The following KHDRBS2 variants were observed in gnomAD, a reference collection of about 807,000 sequenced individuals.
KHDRBS2 encodes the protein KH RNA binding domain containing, signal transduction associated 2.
A neutral mutation model predicts 44.3 loss-of-function variants in KHDRBS2; 26 were observed. The observed-to-expected ratio is 0.59, with a 90% CI of 0.43 to 0.81. The LOEUF is 0.81. KHDRBS2 is among the 40% of genes least tolerant of loss of function. KHDRBS2 has a pLI of 0.00. For synonymous variants in KHDRBS2, 194 were observed against 151.1 expected, an observed-to-expected ratio of 1.28 and a Z score of -2.08; for missense variants, 476 against 433.1, an observed-to-expected ratio of 1.10 and a Z score of -0.88.
chr6:62,022,958 A>G (rs539901622), intron 3 of KHDRBS2, among the ~76,000 whole-genome samples: 28 of 151,724 alleles, frequency 1.8e-4, no homozygotes, highest in Non-Finnish European at 4.0e-4. Flanking sequence ...AGAAGCTATC[A>G]TCTTCAAAAT....
At chr6:61,749,743 C>T (rs1394632084) in intron 6 of KHDRBS2, among the ~76,000 whole-genome samples, 6 of 152,112 alleles carry the variant, frequency 3.9e-5, no homozygotes, top group Non-Finnish European at 7.4e-5. Context: ...TTCTGGGGAA[C>T]GTTTCAATAT....
chr6:62,161,433 T>G lies in KHDRBS2; in HGVS notation c.219+15752A>C, dbSNP rs188511079. Among the ~76,000 whole-genome samples the G allele has an allele frequency of 1.3e-3, 193 of 151,634 alleles. 4 individuals are homozygous for G. The highest frequency in any genetic ancestry group is 4.7e-4 in the Non-Finnish European group (32 of 67,842). On this transcript the variant is annotated intron_variant, in intron 2 of 8. Coordinates refer to ENST00000281156, the MANE Select transcript of KHDRBS2 (RefSeq NM_152688.4). ...ACAATAATTTACATAGTATTAGATA[T>G]TATAAATTATATACATGGGATAAGT... is the stretch of plus-strand genomic sequence containing the variant.
intron 7 of KHDRBS2, among the ~76,000 whole-genome samples, chr6:61,710,328 A>C (rs2127550299): frequency 6.6e-6 from 1 of 151,910 alleles, no homozygotes; most frequent in East Asian, 1.9e-4. Context: ...AATTACTGCA[A>C]AGAGAAAGGA....
chr6:61,855,589 C>G (rs1003435240), intron 6 of KHDRBS2, among the ~76,000 whole-genome samples: 8 of 151,502 alleles, frequency 5.3e-5, no homozygotes, highest in African/African-American at 1.9e-4. Context: ...ATTCTAGGCA[C>G]ACTGCAAGGT....
At chr6:62,001,815 T>C (rs181917997) in intron 3 of KHDRBS2, among the ~76,000 whole-genome samples, 87 of 152,238 alleles carry the variant, frequency 5.7e-4, no homozygotes, top group Admixed American at 1.3e-3. Context: ...TGAAAAGTTA[T>C]TGAATTTTTG....
the KHDRBS2 span, among the ~76,000 whole-genome samples, chr6:61,644,362 A>G: frequency 1.9e-4 from 29 of 152,292 alleles, 1 homozygote; most frequent in East Asian, 5.8e-4. Context: ...CCTGGAAGAC[A>G]ACTTAGGCAA....
the KHDRBS2 span, among the ~76,000 whole-genome samples, chr6:61,647,214 A>T: frequency 6.6e-6 from 1 of 152,188 alleles, no homozygotes; most frequent in Non-Finnish European, 1.5e-5. Flanking sequence ...ATGAAAAATG[A>T]TGGTGAAAGT....
At chr6:62,279,792 G>A (rs1269955926) in intron 1 of KHDRBS2, among the ~76,000 whole-genome samples, 1 of 152,170 alleles carries the variant, frequency 6.6e-6, no homozygotes, top group African/African-American at 2.4e-5. Context: ...AGATAGGAGA[G>A]GACAGAGAGA....
chr6:61,805,547 T>G (rs951042924), intron 6 of KHDRBS2, among the ~76,000 whole-genome samples: 1 of 152,136 alleles, frequency 6.6e-6, no homozygotes, highest in South Asian at 2.1e-4. Context: ...TCTGCCTTCA[T>G]GCTGACATGA....
At chr6:62,133,072 CT>C (rs949653834) in intron 2 of KHDRBS2, among the ~76,000 whole-genome samples, 10 of 151,320 alleles carry the variant, frequency 6.6e-5, no homozygotes, top group African/African-American at 1.9e-4. Context: ...TACAAACGGG[CT>C]TTTTTTTTAA....
At position 61,971,114 on chromosome 6, in the gene KHDRBS2, T is replaced by C. The variant is rs557448097; in HGVS notation, c.483+6952A>G. On this transcript the variant is annotated intron_variant, in intron 4 of 8. Coordinates refer to ENST00000281156, the MANE Select transcript of KHDRBS2 (RefSeq NM_152688.4). Reference sequence around the variant, plus strand: ...AAAGCCAAGTCCTATTTGTATCACATTGAGTACAGACCATCCAGTAAGCCA... The same window carrying C: ...AAAGCCAAGTCCTATTTGTATCACACTGAGTACAGACCATCCAGTAAGCCA... Among the ~76,000 whole-genome samples the C allele has an allele frequency of 1.4e-3, 209 of 152,238 alleles. 1 individual carries two copies. The highest frequency in any genetic ancestry group is 4.7e-3 in the African/African-American group (196 of 41,570).
intron 2 of KHDRBS2, among the ~76,000 whole-genome samples, chr6:62,061,270 G>A (rs563943891): frequency 2.6e-5 from 4 of 151,660 alleles, no homozygotes; most frequent in South Asian, 2.1e-4. Flanking sequence ...TCCTAGTCTC[G>A]ATGGTCTTTA....
chr6:61,809,545 GAGCTGATGTCAAATCAATA>G (rs1414412617), intron 6 of KHDRBS2, among the ~76,000 whole-genome samples: 1 of 152,020 alleles, frequency 6.6e-6, no homozygotes, highest in African/African-American at 2.4e-5. Flanking sequence ...GCCTTCTTCT[GAGCTGATGTCAAATCAATA>G]AAAAAAACCT....
At chr6:61,550,168 C>T in the KHDRBS2 span, among the ~76,000 whole-genome samples, 4 of 152,132 alleles carry the variant, frequency 2.6e-5, no homozygotes, top group Admixed American at 1.3e-4. Flanking sequence ...GCATAGTACT[C>T]GATAGGTAGT....
At position 61,971,689 on chromosome 6, in the gene KHDRBS2, T is replaced by G. The variant is rs555699830; in HGVS notation, c.483+6377A>C. ...CTTTGTCTCTGTCTCAGTAGATAAA[T>G]TACCCTTGTTTGTATGGTGGTGGTC... is the stretch of plus-strand genomic sequence containing the variant. On this transcript the variant is annotated intron_variant, in intron 4 of 8. Transcript: ENST00000281156. 4.6e-5 allele frequency among the ~76,000 whole-genome samples: 7 copies of G among 152,184 alleles called. No individual in the cohort carries two copies. The South Asian group carries it at 1.5e-3, about 32-fold the overall frequency.
Position 62,037,586 on chromosome 6 carries a change from A to T in KHDRBS2, c.336+10292T>A, listed in dbSNP as rs575164342. On this transcript the variant is annotated intron_variant, in intron 3 of 8. Transcript: ENST00000281156. Reference sequence around the variant, plus strand: ...AACAGTAAGCCCACTATTGAGGAACAGGAAGCAGCAAATAGAGGGCATTAC... The same window carrying T: ...AACAGTAAGCCCACTATTGAGGAACTGGAAGCAGCAAATAGAGGGCATTAC... Among the ~76,000 whole-genome samples the T allele has an allele frequency of 5.3e-5, 8 of 152,168 alleles. No homozygotes were observed. In the East Asian group the frequency reaches 1.4e-3, roughly 26 times the overall value.
Position 62,285,882 on chromosome 6 carries a change from GCACAAAAGATGGAT to G in KHDRBS2, c.53_66del (p.Asp18AlafsTer11). On this transcript the variant is annotated frameshift_variant, in exon 1 of 9. Coordinates refer to ENST00000281156, the MANE Select transcript of KHDRBS2 (RefSeq NM_152688.4). LOFTEE classifies it high-confidence loss of function. ...CCTTCTGCCAAAAGGCGCGACGCAT[GCACAAAAGATGGAT>G]CCAGGCTATCTTTCTCTGCCATCAG... 1 of 1,613,182 alleles carries G rather than the reference GCACAAAAGATGGAT, an allele frequency of 6.2e-7. No individual in the cohort carries two copies. Among genetic ancestry groups the G allele is most frequent in the Non-Finnish European group, 8.5e-7 (1 of 1,179,606 alleles).
chr6:61,791,452 T>C (rs544633268), intron 6 of KHDRBS2, among the ~76,000 whole-genome samples: 91 of 151,664 alleles, frequency 6.0e-4, no homozygotes, highest in African/African-American at 2.1e-3. Flanking sequence ...ATTATAAATA[T>C]TTTTTCATAG....
At chr6:62,099,696 A>T (rs1801423314) in intron 2 of KHDRBS2, among the ~76,000 whole-genome samples, 1 of 152,108 alleles carries the variant, frequency 6.6e-6, no homozygotes, top group South Asian at 2.1e-4. Context: ...GTCTCTTTTC[A>T]TGCTTGCTTC....
Sources: gnomAD v4.1 joint callset for allele counts (sites outside exome capture counted in the v4.1 genomes callset) on GRCh38, gnomAD v4.1.1 for gene constraint, MANE v1.5 for transcripts, NCBI Gene and HGNC (gene_info 2026-07-23, HGNC 2026-07-21) for gene names.